PTPN4: variants seen among roughly 807,000 people sequenced by gnomAD.
PTPN4 encodes tyrosine-protein phosphatase non-receptor type 4.
A neutral mutation model predicts 135.5 loss-of-function variants in PTPN4; 49 were observed. That is an observed-to-expected ratio of 0.36 (90% confidence interval 0.29 to 0.46). The LOEUF is 0.46. Among genes scored for constraint, PTPN4 ranks in the 20% least tolerant of loss-of-function variants. PTPN4 has a pLI of 1.00. For missense variants in PTPN4, 860 were observed against 1,101.0 expected (o/e 0.78, Z 3.10); for synonymous variants, 333 against 369.9 (o/e 0.90, Z 1.14).
At chr2:119,767,319 A>T (rs1690646192) in intron 1 of PTPN4, among the ~76,000 whole-genome samples, 1 of 152,146 alleles carries the variant, frequency 6.6e-6, no homozygotes, top group African/African-American at 2.4e-5. Context: ...AGGGGAATGC[A>T]CCATTTCTAA....
At chr2:119,829,722 T>C (rs1677193515) in intron 2 of PTPN4, among the ~76,000 whole-genome samples, 1 of 152,362 alleles carries the variant, frequency 6.6e-6, no homozygotes, top group East Asian at 1.9e-4. Context: ...ATTCATCTGC[T>C]GACAGGCACT....
chr2:119,865,393 T>C (rs1348048924), intron 3 of PTPN4, among the ~76,000 whole-genome samples: 1 of 152,144 alleles, frequency 6.6e-6, no homozygotes, highest in Admixed American at 6.6e-5. Context: ...TCCTCACTTA[T>C]GATGAAAGTG....
At chr2:119,772,647 C>T (rs1448723746) in intron 1 of PTPN4, among the ~76,000 whole-genome samples, 1 of 152,182 alleles carries the variant, frequency 6.6e-6, no homozygotes, top group African/African-American at 2.4e-5. Context: ...CAGTGATTCT[C>T]CTGCCTCAGC....
At chr2:119,857,156 T>C (rs1677691946) in intron 2 of PTPN4, among the ~76,000 whole-genome samples, 1 of 150,934 alleles carries the variant, frequency 6.6e-6, no homozygotes, top group Non-Finnish European at 1.5e-5. Context: ...TGATCTTGGC[T>C]CACTGCAACC....
At chr2:119,789,294 T>TA (rs1309020247) in intron 1 of PTPN4, among the ~76,000 whole-genome samples, 3 of 152,186 alleles carry the variant, frequency 2.0e-5, no homozygotes, top group Non-Finnish European at 4.4e-5. Flanking sequence ...TTGGTTGAGT[T>TA]ATAGAAGTTA....
At chr2:119,811,627 C>G (rs994618199) in intron 2 of PTPN4, among the ~76,000 whole-genome samples, 1 of 152,000 alleles carries the variant, frequency 6.6e-6, no homozygotes, top group African/African-American at 2.4e-5. Flanking sequence ...CTATTATTCA[C>G]GTGTTAGAAT....
chr2:119,932,210 C>T, intron 13 of PTPN4: 1 of 333,932 alleles, frequency 3.0e-6, no homozygotes, highest in Non-Finnish European at 5.4e-6. Flanking sequence ...CTTACTCTTC[C>T]TAGCCTGTCT....
chr2:119,842,667 A>G (rs1677398959), intron 2 of PTPN4, among the ~76,000 whole-genome samples: 1 of 152,136 alleles, frequency 6.6e-6, no homozygotes, highest in East Asian at 1.9e-4. Flanking sequence ...TTTTCTTTTG[A>G]AGTAATTGTA....
chr2:119,897,672 T>C (rs1216375915), intron 9 of PTPN4, among the ~76,000 whole-genome samples: 1 of 152,232 alleles, frequency 6.6e-6, no homozygotes, highest in Non-Finnish European at 1.5e-5. Flanking sequence ...GCTCTGAATT[T>C]ACATTTTCAA....
chr2:119,886,603 GT>G lies in PTPN4; in HGVS notation c.675+724del, dbSNP rs1205060094. Among the ~76,000 whole-genome samples, 3 of 152,214 alleles carry G rather than the reference GT, an allele frequency of 2.0e-5. No individual in the cohort carries two copies. The East Asian group carries it at 5.8e-4, about 29-fold the overall frequency. On this transcript the variant is annotated intron_variant, in intron 9 of 26. Coordinates refer to ENST00000263708, the MANE Select transcript of PTPN4 (RefSeq NM_002830.4). ...AATCATCAGTTGAGTTGGTGATAGC[GT>G]TTATCTTCTCTTGGAAATGAATAGT...
At chr2:119,919,960 A>G in intron 11 of PTPN4, 109 bp from the exon 12 acceptor site, 1 of 1,406,040 alleles carries the variant, frequency 7.1e-7, no homozygotes, top group African/African-American at 1.5e-5. Flanking sequence ...TATCATTAAC[A>G]AGTTCATGTT....
At position 119,980,030 on chromosome 2, in the gene PTPN4, A is replaced by G. The variant is rs1353352315; in HGVS notation, c.*2960A>G. 2 of 152,122 alleles carry G rather than the reference A, an allele frequency of 1.3e-5. No homozygotes were observed. The highest frequency in any genetic ancestry group is 2.9e-5 in the Non-Finnish European group (2 of 67,970). The allele number at this position is 152,122 out of a possible 1,614,324, so 9.4% of individuals were successfully genotyped here. ...AAAATTGATAGTATTTGTTAAACCAATGCATCCATTCAAAATAGAGGCAGA... is the reference window on the plus strand; with the variant it reads ...AAAATTGATAGTATTTGTTAAACCAGTGCATCCATTCAAAATAGAGGCAGA... On this transcript the variant is annotated 3_prime_UTR_variant, in exon 27 of 27. Transcript: ENST00000263708.
intron 9 of PTPN4, among the ~76,000 whole-genome samples, chr2:119,895,154 T>G (rs1401916331): frequency 1.3e-5 from 2 of 152,210 alleles, no homozygotes; most frequent in African/African-American, 4.8e-5. Context: ...CTTTGACTTC[T>G]TATTTGATAT....
rs1450460967 is a variant in PTPN4, at chr2:119,913,333, A to G, written c.765-1846A>G. ...GGTTTAATTTCTCCAGATTCTCACC[A>G]GCACTTGTTATCTGCATTTTTATTA... On this transcript the variant is annotated intron_variant, in intron 10 of 26. Coordinates refer to ENST00000263708, the MANE Select transcript of PTPN4 (RefSeq NM_002830.4). 2.6e-5 allele frequency among the ~76,000 whole-genome samples: 4 copies of G among 152,188 alleles called. No individual in the cohort carries two copies. In the East Asian group the frequency reaches 7.7e-4, roughly 29 times the overall value.
At chr2:119,924,819 C>T (rs1210596463) in intron 12 of PTPN4, among the ~76,000 whole-genome samples, 1 of 151,934 alleles carries the variant, frequency 6.6e-6, no homozygotes, top group Non-Finnish European at 1.5e-5. Context: ...AGGTATCAGT[C>T]AGAGTTCAGT....
chr2:119,925,859 A>G (rs993539482), intron 12 of PTPN4, among the ~76,000 whole-genome samples: 6 of 152,334 alleles, frequency 3.9e-5, no homozygotes, highest in Admixed American at 1.3e-4. Context: ...TAATGTGGAA[A>G]TACAAAACAG....
chr2:119,966,379 C>T (rs1026131088), intron 25 of PTPN4, among the ~76,000 whole-genome samples: 5 of 152,130 alleles, frequency 3.3e-5, no homozygotes, highest in African/African-American at 1.2e-4. Context: ...CTGCCTCAGC[C>T]CCCGGAGTAG....
chr2:119,822,636 C>T lies in PTPN4; in HGVS notation c.138+12645C>T, dbSNP rs527909948. Among the ~76,000 whole-genome samples, 278 of 152,266 alleles carry T rather than the reference C, an allele frequency of 1.8e-3. 1 individual carries two copies. The South Asian group carries it at 0.026, about 14-fold the overall frequency. ...CCTCCCAAAGTGCTGGGATTTCAGG[C>T]GTGAGCCACCGCACCCGGCCTGTGT... On this transcript the variant is annotated intron_variant, in intron 2 of 26. Transcript: ENST00000263708.
intron 10 of PTPN4, among the ~76,000 whole-genome samples, chr2:119,905,257 C>T (rs1678470602): frequency 6.6e-6 from 1 of 152,122 alleles, no homozygotes; most frequent in South Asian, 2.1e-4. Context: ...AACTCAACTT[C>T]ACCTGTAAAA....
Sources: gnomAD v4.1 joint callset for allele counts (sites outside exome capture counted in the v4.1 genomes callset) on GRCh38, gnomAD v4.1.1 for gene constraint, MANE v1.5 for transcripts, NCBI Gene and HGNC (gene_info 2026-07-23, HGNC 2026-07-21) for gene names.